Variants in KDM5B observed in about 807,000 individuals in gnomAD.
The protein encoded by KDM5B is lysine-specific demethylase 5B.
A neutral mutation model predicts 193.4 loss-of-function variants in KDM5B; 144 were observed. The observed-to-expected ratio is 0.74, with a 90% CI of 0.65 to 0.86. KDM5B has a LOEUF of 0.86. Ranked by LOEUF, KDM5B falls within the 40% of genes least tolerant of loss-of-function variation. The pLI, the probability that KDM5B is intolerant of heterozygous loss-of-function variation, is 0.00. For synonymous variants in KDM5B, 668 were observed against 682.6 expected (o/e 0.98, Z 0.33); for missense variants, 1,833 against 1,886.9 (o/e 0.97, Z 0.53).
chr1:202,789,067 T>C (rs537501218), intron 1 of KDM5B, among the ~76,000 whole-genome samples: 1 of 152,204 alleles, frequency 6.6e-6, no homozygotes, highest in South Asian at 2.1e-4. Flanking sequence ...AAGGCCTCAT[T>C]AGATCTGCAA....
chr1:202,729,707 C>G lies in KDM5B; in HGVS notation c.4497G>C (p.Glu1499Asp), dbSNP rs995319887. The G allele has an allele frequency of 1.2e-6, 2 of 1,611,966 alleles. No homozygotes were observed. The highest frequency in any genetic ancestry group is 1.7e-6 in the Non-Finnish European group (2 of 1,178,836). The change falls in exon 26 of 27, where the codon GAG becomes GAC. Residue 1499 changes from glutamate (E) to aspartate (D), a missense_variant and splice_region_variant. By Grantham distance (45) the Glu-to-Asp change is conservative (BLOSUM62 2). Transcript: ENST00000367265. ...CCTCTATGGCCCAAACCTCACTGACCTCATCTCCTTCTGGCTGCAGGCAGC... is the reference window on the plus strand; with the variant it reads ...CCTCTATGGCCCAAACCTCACTGACGTCATCTCCTTCTGGCTGCAGGCAGC... ...AVSCLQPEGD[E>D]VDWVQCDGSC...
intron 7 of KDM5B, among the ~76,000 whole-genome samples, chr1:202,761,016 CCT>C (rs1004481541): frequency 2.0e-5 from 3 of 149,466 alleles, no homozygotes; most frequent in African/African-American, 7.5e-5. Flanking sequence ...TGACAGAGAC[CCT>C]GTCTCAGGAG....
At position 202,741,580 on chromosome 1, in the gene KDM5B, C is replaced by T. The variant is rs375547145; in HGVS notation, c.2732G>A (p.Arg911His). 2.5e-6 allele frequency: 4 copies of T among 1,614,244 alleles called. No individual in the cohort carries two copies. The highest frequency in any genetic ancestry group is 1.1e-5 in the South Asian group (1 of 91,084). Residue 911 changes from arginine to histidine, a missense_variant, in exon 19 of 27, where the codon CGT becomes CAT. Transcript: ENST00000367265. Reference sequence around the variant, plus strand: ...CCAACGGGCTTGTTCCAAACGGATACGCATCTCAGCAAGCTGTGGAAGTTC... The same window carrying T: ...CCAACGGGCTTGTTCCAAACGGATATGCATCTCAGCAAGCTGTGGAAGTTC... ...DVELPQLAEM[R>H]IRLEQARWLE...
intron 10 of KDM5B, 137 bp downstream of exon 10, chr1:202,756,221 T>C (rs1656004932): frequency 2.8e-6 from 2 of 727,220 alleles, no homozygotes; most frequent in African/African-American, 1.8e-5. Context: ...AATTCTTCTG[T>C]AGGCTCTTTC....
At position 202,735,604 on chromosome 1, in the gene KDM5B, C is replaced by T. The variant is rs761597975; in HGVS notation, c.3265-17G>A. On this transcript the variant is annotated splice_polypyrimidine_tract_variant and intron_variant, in intron 21 of 26. Coordinates refer to ENST00000367265, the MANE Select transcript of KDM5B (RefSeq NM_006618.5). Reference sequence around the variant, plus strand: ...ACACAGCACCTAATGTGGGACAAGGCACAACCAATGGTAAAATAAATTTCA... The same window carrying T: ...ACACAGCACCTAATGTGGGACAAGGTACAACCAATGGTAAAATAAATTTCA... The T allele has an allele frequency of 6.2e-7, 1 of 1,608,958 alleles. No individual in the cohort carries two copies. Among genetic ancestry groups the T allele is most frequent in the South Asian group, 1.1e-5 (1 of 90,520 alleles).
At chr1:202,733,341 G>C (rs192249309) in intron 23 of KDM5B, 60 bp downstream of exon 23, 5 of 1,555,680 alleles carry the variant, frequency 3.2e-6, no homozygotes, top group Non-Finnish European at 4.4e-6. Flanking sequence ...CTACAGGTTC[G>C]AGAGAAAGGT....
Position 202,808,148 on chromosome 1 carries a change from C to T in KDM5B, c.158G>A (p.Arg53Gln), listed in dbSNP as rs1571468956. The part of the protein sequence containing the change: ...ADPFAFIHKI[R>Q]PIAEQTGICK... ...GATGCCAGTCTGCTCGGCTATGGGC[C>T]GGATCTTGTGGATGAAAGCGAAGGG... The change falls in exon 1 of 27, where the codon CGG (arginine) becomes CAG (glutamine). Residue 53 changes from arginine (R) to glutamine (Q), a missense_variant. Arg to Gln is a conservative substitution (Grantham distance 43, BLOSUM62 1). Transcript: ENST00000367265. 6.2e-7 allele frequency: 1 copy of T among 1,613,146 alleles called. No homozygotes were observed. Among genetic ancestry groups the T allele is most frequent in the Non-Finnish European group, 8.5e-7 (1 of 1,179,550 alleles).
In KDM5B at chr1:202,808,252, C is replaced by G; in HGVS notation, c.54G>C (p.Gly18=). 6.2e-7 allele frequency: 1 copy of G among 1,610,982 alleles called. No individual in the cohort carries two copies. Among genetic ancestry groups the G allele is most frequent in the Non-Finnish European group, 8.5e-7 (1 of 1,179,102 alleles). ...HPGPRPALPL[G]GPGPLGEFLP... The stretch of plus-strand genomic sequence containing the variant: ...GGAACTCGCCCAGCGGGCCCGGGCC[C>G]CCGAGGGGCAGCGCCGGGCGCGGGC... The change falls in exon 1 of 27, where the codon GGG becomes GGC. Residue 18 remains glycine (G), a synonymous_variant. Transcript: ENST00000367265.
intron 11 of KDM5B, among the ~76,000 whole-genome samples, chr1:202,754,690 C>A (rs1198605949): frequency 6.6e-6 from 1 of 152,108 alleles, no homozygotes; most frequent in African/African-American, 2.4e-5. Flanking sequence ...GTAAATACTT[C>A]TTTTTGTTTT....
At position 202,756,498 on chromosome 1, in the gene KDM5B, C is replaced by T; in HGVS notation, c.1216G>A (p.Val406Ile). Residue 406 changes from valine (V) to isoleucine (I), a missense_variant, in exon 10 of 27, where the codon GTT becomes ATT. By Grantham distance (29) the Val-to-Ile change is conservative (BLOSUM62 3). Around this residue, in one of 3 missense-constraint regions of KDM5B, gnomAD observed 99 missense variants for 162.4 expected, o/e 0.61. Transcript: ENST00000367265. ...MPVHMVPTEL[V>I]EKEFWRLVST... ...ACTAGTCTCCAAAATTCTTTCTCAA[C>T]AAGCTCTGTGGGGACCATCTGGAAA... is the stretch of plus-strand genomic sequence containing the variant. 6.2e-7 allele frequency: 1 copy of T among 1,606,592 alleles called. No individual in the cohort carries two copies. Among genetic ancestry groups the T allele is most frequent in the East Asian group, 2.2e-5 (1 of 44,644 alleles).
intron 20 of KDM5B, among the ~76,000 whole-genome samples, chr1:202,740,231 G>GT: frequency 6.8e-6 from 1 of 147,220 alleles, no homozygotes; most frequent in Non-Finnish European, 1.5e-5. Flanking sequence ...CGGGTTGGGG[G>GT]CTGACCCTCC....
chr1:202,804,142 G>A lies in KDM5B; in HGVS notation c.204+3960C>T, dbSNP rs549519915. 3.3e-5 allele frequency among the ~76,000 whole-genome samples: 5 copies of A among 152,114 alleles called. No homozygotes were observed. The South Asian group carries it at 8.3e-4, about 25-fold the overall frequency. ...GTTCAGGGTTTCTTTTGAGGGAGAT[G>A]AAAATGTTCTACAATTGATTGTGGT... On this transcript the variant is annotated intron_variant, in intron 1 of 26. Coordinates refer to ENST00000367265, the MANE Select transcript of KDM5B (RefSeq NM_006618.5).
Position 202,729,978 on chromosome 1 carries a change from T to C in KDM5B, c.4226A>G (p.Lys1409Arg). Reference protein sequence around the residue: ...KRDGINSLERKLKRRLEREGL... With the variant: ...KRDGINSLERRLKRRLEREGL... ...CTCTCTTTCCAGGCGTCTCTTCAGT[T>C]TTCTCTCAAGACTGTTAATTCCATC... is the stretch of plus-strand genomic sequence containing the variant. The change falls in exon 26 of 27, where the codon AAA becomes AGA. Residue 1409 changes from lysine to arginine, a missense_variant. By Grantham distance (26) the Lys-to-Arg change is conservative. Around this residue, in one of 3 missense-constraint regions of KDM5B, gnomAD observed 1,379 missense variants for 1,349.6 expected, o/e 1.02. Transcript: ENST00000367265. The C allele has an allele frequency of 6.2e-7, 1 of 1,613,808 alleles. No individual in the cohort carries two copies. Among genetic ancestry groups the C allele is most frequent in the Non-Finnish European group, 8.5e-7 (1 of 1,179,936 alleles).
chr1:202,762,477 C>T (rs762985417), intron 7 of KDM5B, among the ~76,000 whole-genome samples: 1 of 152,184 alleles, frequency 6.6e-6, no homozygotes, highest in Non-Finnish European at 1.5e-5. Context: ...TCAATGCCGC[C>T]CCGGATGTTA....
In KDM5B at chr1:202,775,856, C is replaced by CAAAA. The variant is rs35222749; in HGVS notation, c.283-1125_283-1122dup. On this transcript the variant is annotated intron_variant, in intron 2 of 26. Transcript: ENST00000367265. ...TGGTGACAGAACAAGACTCTTGTCT[C>CAAAA]AAAAAAAAAAAAAAAAAAAAAAAAT... 1.3e-3 allele frequency among the ~76,000 whole-genome samples: 28 copies of CAAAA among 21,414 alleles called. 1 individual carries two copies. The highest frequency in any genetic ancestry group is 2.4e-3 in the South Asian group (1 of 410). 14.0% of individuals were successfully genotyped at this position (21,414 alleles called of 152,430 possible).
intron 20 of KDM5B, among the ~76,000 whole-genome samples, chr1:202,739,620 G>A (rs886110189): frequency 1.3e-4 from 20 of 152,226 alleles, no homozygotes; most frequent in East Asian, 7.7e-4. Flanking sequence ...AGGACCCTGC[G>A]GCCTTCGGCA....
intron 4 of KDM5B, among the ~76,000 whole-genome samples, chr1:202,771,809 T>G (rs1456840601): frequency 6.6e-6 from 1 of 151,698 alleles, no homozygotes; most frequent in African/African-American, 2.4e-5. Context: ...CTCCATCTCT[T>G]GACCTCATGA....
chr1:202,800,014 C>T (rs1410354075), intron 1 of KDM5B, among the ~76,000 whole-genome samples: 1 of 152,168 alleles, frequency 6.6e-6, no homozygotes, highest in Admixed American at 6.5e-5. Context: ...TTCTCATTTC[C>T]CTAAAACTTC....
intron 4 of KDM5B, among the ~76,000 whole-genome samples, chr1:202,770,316 A>G (rs1353945662): frequency 6.6e-6 from 1 of 152,198 alleles, no homozygotes. Flanking sequence ...AAACATGATG[A>G]TGCAAGATTG....
Sources: gnomAD v4.1 joint callset for allele counts (sites outside exome capture counted in the v4.1 genomes callset) on GRCh38, gnomAD v4.1.1 for gene constraint, gnomAD v4.1.1 regional missense constraint, MANE v1.5 for transcripts, NCBI Gene and HGNC (gene_info 2026-07-23, HGNC 2026-07-21) for gene names.